GXYLT1: variants seen among roughly 807,000 people sequenced by gnomAD.
GXYLT1 encodes the protein glucoside xylosyltransferase 1.
A neutral mutation model predicts 54.0 loss-of-function variants in GXYLT1; 29 were observed. The ratio of observed to expected loss-of-function variants is 0.54; its 90% CI spans 0.40 to 0.73. The LOEUF (loss-of-function observed/expected upper bound fraction) is 0.73. Among genes scored for constraint, GXYLT1 ranks in the 30% least tolerant of loss-of-function variants. GXYLT1 has a pLI of 0.00. For missense variants in GXYLT1, 490 were observed against 553.4 expected, an observed-to-expected ratio of 0.89 and a Z score of 1.15; for synonymous variants, 176 against 204.1, an observed-to-expected ratio of 0.86 and a Z score of 1.17.
At chr12:42,142,590 C>G (rs1370995719) in intron 1 of GXYLT1, among the ~76,000 whole-genome samples, 3 of 152,040 alleles carry the variant, frequency 2.0e-5, no homozygotes, top group African/African-American at 7.3e-5. Flanking sequence ...TCAATCATCC[C>G]CACTCAGCCT....
At chr12:42,137,762 GAAAAAA>G (rs56387868) in intron 1 of GXYLT1, among the ~76,000 whole-genome samples, 1 of 107,180 alleles carries the variant, frequency 9.3e-6, no homozygotes, top group African/African-American at 3.9e-5. Flanking sequence ...ATCTCAAATT[GAAAAAA>G]AAAAAAAAAA....
At position 42,087,317 on chromosome 12, in the gene GXYLT1, TCA is replaced by T. The variant is rs2065300028; in HGVS notation, c.*467_*468del. On this transcript the variant is annotated 3_prime_UTR_variant, in exon 8 of 8. Transcript: ENST00000398675. Reference sequence around the variant, plus strand: ...ATTGTCAATGGTTACATCAGTTACATCACATTTCTTCAGAAACAACAGACCTG... The same window carrying T: ...ATTGTCAATGGTTACATCAGTTACATCATTTCTTCAGAAACAACAGACCTG... 1 of 153,322 alleles carries T rather than the reference TCA, an allele frequency of 6.5e-6. No homozygotes were observed. The highest frequency in any genetic ancestry group is 2.0e-4 in the South Asian group (1 of 4,888). 9.5% of individuals were successfully genotyped at this position (153,322 alleles called of 1,614,324 possible).
At chr12:42,114,989 T>C (rs1346348941) in intron 3 of GXYLT1, among the ~76,000 whole-genome samples, 1 of 152,206 alleles carries the variant, frequency 6.6e-6, no homozygotes, top group Non-Finnish European at 1.5e-5. Flanking sequence ...TGGAAATCAA[T>C]AAACGTAATC....
chr12:42,137,503 C>CAAAAAAAAAAAAAAAAAAAAAAA (rs34628599), intron 1 of GXYLT1, among the ~76,000 whole-genome samples: 1 of 71,670 alleles, frequency 1.4e-5, no homozygotes. Context: ...GCATCTGTTT[C>CAAAAAAAAAAAAAAAAAAAAAAA]AAAAAAAAAA....
In GXYLT1 at chr12:42,109,567, G is replaced by A. The variant is rs770904299; in HGVS notation, c.611C>T (p.Pro204Leu). Residue 204 changes from proline to leucine, a missense_variant and splice_region_variant, in exon 4 of 8, where the codon CCG becomes CTG. This residue lies in a region of GXYLT1 where 342 missense variants were observed against 342.6 expected (regional missense o/e 1.00). Transcript: ENST00000398675. ...KPCASQRLFLPLILKEVDSLL... is the reference protein window; with the variant it reads ...KPCASQRLFLLLILKEVDSLL... ...AAGACACTAGGGGAAAAAACTTACC[G>A]GCAAGAACAATCTCTGCGAAGCACA... is the stretch of plus-strand genomic sequence containing the variant. 25 of 1,486,938 alleles carry A rather than the reference G, an allele frequency of 1.7e-5. No individual in the cohort carries two copies. The highest frequency in any genetic ancestry group is 5.1e-5 in the Admixed American group (2 of 39,344). The allele number at this position is 1,486,938 out of a possible 1,614,324, so 92.1% of individuals were successfully genotyped here. A position where few individuals can be genotyped will look rare whatever the true frequency, so the allele number is the denominator to read the frequency against.
rs2065256199 is a variant in GXYLT1, at chr12:42,081,883, T to C, written c.*5903A>G. On this transcript the variant is annotated 3_prime_UTR_variant, in exon 8 of 8. Coordinates refer to ENST00000398675, the MANE Select transcript of GXYLT1 (RefSeq NM_173601.2). The stretch of plus-strand genomic sequence containing the variant: ...AACGTTTATTGAGTAAATGTTTATT[T>C]AGTAACAGCAACACATAGTTTCTCA... 6.6e-6 allele frequency: 1 copy of C among 152,252 alleles called. No homozygotes were observed. The highest frequency in any genetic ancestry group is 1.5e-5 in the Non-Finnish European group (1 of 68,052). The allele number at this position is 152,252 out of a possible 1,614,324, so 9.4% of individuals were successfully genotyped here.
At chr12:42,139,800 C>G (rs2065641312) in intron 1 of GXYLT1, among the ~76,000 whole-genome samples, 1 of 152,068 alleles carries the variant, frequency 6.6e-6, no homozygotes, top group African/African-American at 2.4e-5. Flanking sequence ...AATAACAAAG[C>G]AGAGATTAAA....
chr12:42,133,744 G>C (rs2065604993), intron 1 of GXYLT1, among the ~76,000 whole-genome samples: 1 of 152,110 alleles, frequency 6.6e-6, no homozygotes, highest in South Asian at 2.1e-4. Context: ...CCAAACACTG[G>C]CAACACTATA....
At chr12:42,133,242 C>T (rs1411732161) in intron 1 of GXYLT1, among the ~76,000 whole-genome samples, 1 of 152,140 alleles carries the variant, frequency 6.6e-6, no homozygotes, top group Non-Finnish European at 1.5e-5. Flanking sequence ...CATTCCATTG[C>T]ACTCCAGCAT....
chr12:42,098,780 T>C (rs1006840965), intron 5 of GXYLT1, among the ~76,000 whole-genome samples: 1 of 143,012 alleles, frequency 7.0e-6, no homozygotes, highest in Non-Finnish European at 1.5e-5. Flanking sequence ...TATATATATA[T>C]ATATAATACA....
intron 7 of GXYLT1, among the ~76,000 whole-genome samples, chr12:42,094,455 C>G (rs2065344759): frequency 6.6e-6 from 1 of 151,244 alleles, no homozygotes; most frequent in African/African-American, 2.4e-5. Flanking sequence ...CTCGGTAATT[C>G]AAGACCAGCC....
chr12:42,108,486 ATGAC>A (rs1403151516), intron 4 of GXYLT1, among the ~76,000 whole-genome samples: 1 of 152,102 alleles, frequency 6.6e-6, no homozygotes, highest in Non-Finnish European at 1.5e-5. Flanking sequence ...TATTAATTAA[ATGAC>A]TGACACTGCA....
chr12:42,127,464 G>A (rs1238370774), intron 2 of GXYLT1, among the ~76,000 whole-genome samples: 1 of 152,150 alleles, frequency 6.6e-6, no homozygotes, highest in Admixed American at 6.5e-5. Flanking sequence ...CAGGCACAAG[G>A]CTTACAACAT....
rs796432946 is a variant in GXYLT1, at chr12:42,084,121, G to C, written c.*3665C>G. The C allele has an allele frequency of 1.3e-5, 1 of 79,760 alleles. No individual in the cohort carries two copies. The highest frequency in any genetic ancestry group is 5.2e-5 in the African/African-American group (1 of 19,146). The allele number at this position is 79,760 out of a possible 1,614,324, so 4.9% of individuals were successfully genotyped here. On this transcript the variant is annotated 3_prime_UTR_variant, in exon 8 of 8. Coordinates refer to ENST00000398675, the MANE Select transcript of GXYLT1 (RefSeq NM_173601.2). ...GAAGTCAGCACCTTTCCTGACCCCA[G>C]AGAGCCCAGGCAAGCAAACTGATGT... is the stretch of plus-strand genomic sequence containing the variant.
At chr12:42,089,497 TACATATA>T (rs2065317041) in intron 7 of GXYLT1, among the ~76,000 whole-genome samples, 1 of 152,138 alleles carries the variant, frequency 6.6e-6, no homozygotes, top group Admixed American at 6.5e-5. Flanking sequence ...AAAATATATA[TACATATA>T]AAAGAGTTGT....
At chr12:42,119,199 A>G (rs772700420) in intron 2 of GXYLT1, 28 bp from the exon 3 acceptor site, 1 of 1,496,434 alleles carries the variant, frequency 6.7e-7, no homozygotes, top group Admixed American at 2.0e-5. Context: ...CACATTTTTC[A>G]ACAGTTTTAG....
At position 42,144,449 on chromosome 12, in the gene GXYLT1, T is replaced by TGCGGGGCCCGCGACGCCGGCGCCTCTC. The variant is rs2065669085; in HGVS notation, c.171_197dup (p.Arg58_Ala66dup). 8.8e-7 allele frequency: 1 copy of TGCGGGGCCCGCGACGCCGGCGCCTCTC among 1,141,406 alleles called. No homozygotes were observed. The highest frequency in any genetic ancestry group is 1.1e-6 in the Non-Finnish European group (1 of 942,250). The allele number at this position is 1,141,406 out of a possible 1,614,324, so 70.7% of individuals were successfully genotyped here. On this transcript the variant is annotated inframe_insertion, in exon 1 of 8. Transcript: ENST00000398675. ...ACCTGTCCGACACGCCGGGATGCGCTGCGGGGCCCGCGACGCCGGCGCCTC... is the reference window on the plus strand; with the variant it reads ...ACCTGTCCGACACGCCGGGATGCGCTGCGGGGCCCGCGACGCCGGCGCCTCTCGCGGGGCCCGCGACGCCGGCGCCTC...
chr12:42,097,760 G>T, intron 6 of GXYLT1, 146 bp from the exon 7 acceptor site: 1 of 1,017,076 alleles, frequency 9.8e-7, no homozygotes, highest in Non-Finnish European at 1.4e-6. Context: ...TCCAATTAAA[G>T]CAAAATTCAA....
rs1275406957 is a variant in GXYLT1, at chr12:42,114,994, G to A, written c.486+4006C>T. Among the ~76,000 whole-genome samples, 18 of 152,114 alleles carry A rather than the reference G, an allele frequency of 1.2e-4. No individual in the cohort carries two copies. The East Asian group carries it at 2.3e-3, about 20-fold the overall frequency. On this transcript the variant is annotated intron_variant, in intron 3 of 7. Transcript: ENST00000398675. ...GTTCAACATATGGAAATCAATAAAC[G>A]TAATCCAGCATATAAATAGAACCAA...
Sources: gnomAD v4.1 joint callset for allele counts (sites outside exome capture counted in the v4.1 genomes callset) on GRCh38, gnomAD v4.1.1 for gene constraint, gnomAD v4.1.1 regional missense constraint, MANE v1.5 for transcripts, NCBI Gene and HGNC (gene_info 2026-07-23, HGNC 2026-07-21) for gene names.